The following RALGAPA1 variants were observed in gnomAD, a reference collection of about 807,000 sequenced individuals.
RALGAPA1 encodes ral GTPase-activating protein subunit alpha-1.
A neutral mutation model predicts 269.6 loss-of-function variants in RALGAPA1; 52 were observed. The ratio of observed to expected loss-of-function variants is 0.19; its 90% CI spans 0.15 to 0.24. RALGAPA1 has a LOEUF of 0.24. Among genes scored for constraint, RALGAPA1 ranks in the 10% least tolerant of loss-of-function variants. The pLI is 1.00. For synonymous variants in RALGAPA1, 817 were observed against 1,008.3 expected, an observed-to-expected ratio of 0.81 and a Z score of 3.60; for missense variants, 1,917 against 3,013.9, an observed-to-expected ratio of 0.64 and a Z score of 8.52.
At chr14:35,706,251 T>C (rs902284018) in intron 16 of RALGAPA1, among the ~76,000 whole-genome samples, 8 of 152,346 alleles carry the variant, frequency 5.3e-5, no homozygotes, top group Non-Finnish European at 1.2e-4. Flanking sequence ...TGTTGTCTTC[T>C]AGGTGTTTTA....
At chr14:35,739,593 T>C (rs1317881421) in intron 11 of RALGAPA1, among the ~76,000 whole-genome samples, 9 of 152,160 alleles carry the variant, frequency 5.9e-5, no homozygotes, top group Admixed American at 5.9e-4. Flanking sequence ...TCACCAAACT[T>C]GAGCTGTTTA....
intron 1 of RALGAPA1, among the ~76,000 whole-genome samples, chr14:35,791,504 G>A (rs557547665): frequency 2.6e-4 from 40 of 152,156 alleles, no homozygotes; most frequent in African/African-American, 9.4e-4. Context: ...CAACTCGGGA[G>A]GCTGAGGCAG....
In RALGAPA1 at chr14:35,688,921, A is replaced by G; in HGVS notation, c.3490T>C (p.Tyr1164His). The stretch of plus-strand genomic sequence containing the variant: ...GCCTCTTTGTTTTCCAGAGGATTAT[A>G]AAACTGAACGGACTCAGTGGATGGC... ...FRPSTESVQF[Y>H]NPLENKEAPW... is the part of the protein sequence containing the mutation. The change falls in exon 18 of 42, where the codon TAT (tyrosine) becomes CAT (histidine). Residue 1164 changes from tyrosine to histidine, a missense_variant. Coordinates refer to ENST00000680220, the MANE Select transcript of RALGAPA1 (RefSeq NM_001346249.2). 8.0e-7 allele frequency: 1 copy of G among 1,256,704 alleles called. No homozygotes were observed. Among genetic ancestry groups the G allele is most frequent in the Non-Finnish European group, 1.0e-6 (1 of 1,002,478 alleles). The allele number at this position is 1,256,704 out of a possible 1,614,324, so 77.8% of individuals were successfully genotyped here. A position where few individuals can be genotyped will look rare whatever the true frequency, so the allele number is the denominator to read the frequency against.
Position 35,773,305 on chromosome 14 carries a change from T to C in RALGAPA1, c.267+1701A>G, listed in dbSNP as rs146695455. Among the ~76,000 whole-genome samples the C allele has an allele frequency of 9.9e-4, 151 of 152,256 alleles. 1 individual carries two copies. The highest frequency in any genetic ancestry group is 6.8e-3 in the Middle Eastern group (2 of 294). On this transcript the variant is annotated intron_variant, in intron 3 of 41. Transcript: ENST00000680220. ...AGGAAATCATTTTATTTCTGATTTC[T>C]TTTTCATCATCAGTTTCTAAAGGTA...
intron 26 of RALGAPA1, among the ~76,000 whole-genome samples, chr14:35,668,319 C>A (rs914063986): frequency 2.6e-5 from 4 of 151,974 alleles, no homozygotes; most frequent in Admixed American, 2.6e-4. Context: ...CTCGTCTCTG[C>A]CAAAAATACA....
intron 36 of RALGAPA1, among the ~76,000 whole-genome samples, chr14:35,604,572 A>G (rs1808008175): frequency 6.6e-6 from 1 of 152,132 alleles, no homozygotes; most frequent in South Asian, 2.1e-4. Context: ...CCTGCCCTCT[A>G]GAAGCTTATA....
At chr14:35,775,815 C>A in intron 1 of RALGAPA1, 70 bp from the exon 2 acceptor site, 1 of 1,369,846 alleles carries the variant, frequency 7.3e-7, no homozygotes, top group Non-Finnish European at 9.5e-7. Context: ...TATTCAGCGA[C>A]AAGTTTCCTT....
chr14:35,556,473 T>C (rs924319222), intron 39 of RALGAPA1, among the ~76,000 whole-genome samples: 3 of 152,058 alleles, frequency 2.0e-5, no homozygotes, highest in Non-Finnish European at 4.4e-5. Context: ...AAAATAAAAT[T>C]CCCCTAAACA....
chr14:35,729,622 C>G (rs979580559), intron 12 of RALGAPA1, among the ~76,000 whole-genome samples: 3 of 152,054 alleles, frequency 2.0e-5, no homozygotes, highest in African/African-American at 4.8e-5. Context: ...AGAGGAAAAT[C>G]AAGTTTAAAG....
chr14:35,606,768 A>C (rs1004048462), intron 35 of RALGAPA1, among the ~76,000 whole-genome samples: 37 of 151,932 alleles, frequency 2.4e-4, no homozygotes, highest in Middle Eastern at 3.4e-3. Flanking sequence ...AAAAAAAAAA[A>C]AACCCTGCAA....
intron 1 of RALGAPA1, among the ~76,000 whole-genome samples, chr14:35,798,891 C>G (rs2076763049): frequency 1.3e-5 from 2 of 151,260 alleles, no homozygotes; most frequent in Admixed American, 1.3e-4. Flanking sequence ...AGCTATTTTG[C>G]AGACTGAGGC....
At chr14:35,733,189 T>G (rs1227892619) in intron 12 of RALGAPA1, among the ~76,000 whole-genome samples, 1 of 152,026 alleles carries the variant, frequency 6.6e-6, no homozygotes, top group East Asian at 1.9e-4. Flanking sequence ...AATTTAAAAA[T>G]TCTTCTGGCT....
chr14:35,789,845 G>C (rs1395138700), intron 1 of RALGAPA1, among the ~76,000 whole-genome samples: 1 of 152,184 alleles, frequency 6.6e-6, no homozygotes, highest in African/African-American at 2.4e-5. Flanking sequence ...ACCAGGGCTT[G>C]AATCACAGGA....
At chr14:35,680,892 G>C (rs2065379308) in intron 21 of RALGAPA1, among the ~76,000 whole-genome samples, 1 of 152,138 alleles carries the variant, frequency 6.6e-6, no homozygotes, top group Non-Finnish European at 1.5e-5. Flanking sequence ...GGGATTACAG[G>C]TGTGAGCCAC....
intron 39 of RALGAPA1, among the ~76,000 whole-genome samples, chr14:35,569,853 T>C (rs2057028860): frequency 6.6e-6 from 1 of 152,162 alleles, no homozygotes; most frequent in African/African-American, 2.4e-5. Context: ...ATACAGTATG[T>C]TTCCCCAACT....
At chr14:35,674,111 A>G in intron 24 of RALGAPA1, 69 bp downstream of exon 24, 1 of 1,248,008 alleles carries the variant, frequency 8.0e-7, no homozygotes, top group East Asian at 2.6e-5. Flanking sequence ...AATAGCCAAA[A>G]TCTCTATAAA....
intron 1 of RALGAPA1, among the ~76,000 whole-genome samples, chr14:35,792,018 T>C (rs182933646): frequency 2.6e-5 from 4 of 151,928 alleles, no homozygotes; most frequent in African/African-American, 9.7e-5. Flanking sequence ...TTTTTTTATA[T>C]AATTCAACTA....
intron 1 of RALGAPA1, among the ~76,000 whole-genome samples, chr14:35,781,314 T>C (rs887324627): frequency 2.0e-4 from 30 of 151,826 alleles, no homozygotes; most frequent in Admixed American, 1.6e-3. Context: ...CAAGAAGAAA[T>C]AGAAATTCTG....
At chr14:35,754,985 T>C (rs1256134871) in intron 7 of RALGAPA1, among the ~76,000 whole-genome samples, 1 of 152,114 alleles carries the variant, frequency 6.6e-6, no homozygotes, top group African/African-American at 2.4e-5. Context: ...AACTATTCTA[T>C]AATGACAAAA....
Sources: gnomAD v4.1 joint callset for allele counts (sites outside exome capture counted in the v4.1 genomes callset) on GRCh38, gnomAD v4.1.1 for gene constraint, MANE v1.5 for transcripts, NCBI Gene and HGNC (gene_info 2026-07-23, HGNC 2026-07-21) for gene names.